The following NIBAN1 variants were observed in gnomAD, a reference collection of about 807,000 sequenced individuals.
NIBAN1 encodes niban apoptosis regulator 1.
In NIBAN1, 81 loss-of-function variants were observed where a neutral mutation model predicts 75.1. The observed-to-expected ratio is 1.08, with a 90% CI of 0.90 to 1.30. The LOEUF is 1.30. Among genes scored for constraint, NIBAN1 ranks in the 50% most tolerant of loss-of-function variants. The pLI is 0.00. For synonymous variants in NIBAN1, 436 were observed against 424.8 expected, an observed-to-expected ratio of 1.03 and a Z score of -0.32; for missense variants, 1,133 against 1,128.1, an observed-to-expected ratio of 1.00 and a Z score of -0.06.
chr1:184,838,361 T>A (rs1655194236), intron 5 of NIBAN1, among the ~76,000 whole-genome samples: 2 of 152,214 alleles, frequency 1.3e-5, no homozygotes, highest in South Asian at 4.1e-4. Context: ...TTGCCTTCTA[T>A]GTTTCTGGCC....
At position 184,800,442 on chromosome 1, in the gene NIBAN1, T is replaced by C. The variant is rs552887966; in HGVS notation, c.1555-2252A>G. On this transcript the variant is annotated intron_variant, in intron 12 of 13. Coordinates refer to ENST00000367511, the MANE Select transcript of NIBAN1 (RefSeq NM_052966.4). Reference sequence around the variant, plus strand: ...GTTTTAGACATGAAGTCCTTGCCCATGCCTATGTCCTGAATGGTAATGCCT... The same window carrying C: ...GTTTTAGACATGAAGTCCTTGCCCACGCCTATGTCCTGAATGGTAATGCCT... Among the ~76,000 whole-genome samples the C allele has an allele frequency of 9.2e-5, 14 of 152,116 alleles. No homozygotes were observed. The East Asian group carries it at 1.5e-3, about 17-fold the overall frequency.
intron 13 of NIBAN1, among the ~76,000 whole-genome samples, chr1:184,796,513 T>C (rs911806369): frequency 1.4e-4 from 22 of 152,226 alleles, no homozygotes; most frequent in Admixed American, 1.4e-3. Flanking sequence ...CTTACACTTA[T>C]CTGCTTTACC....
Position 184,823,125 on chromosome 1 carries a change from C to T in NIBAN1, c.985+42G>A, listed in dbSNP as rs558716791. ...GCTATGTGGTGGATCCCTGCATGTA[C>T]AGCTTATTTAATTAGTAAGAGCATG... On this transcript the variant is annotated intron_variant, in intron 8 of 13. Transcript: ENST00000367511. 4.4e-6 allele frequency: 7 copies of T among 1,600,394 alleles called. No homozygotes were observed. The African/African-American group carries it at 8.0e-5, about 18-fold the overall frequency.
At chr1:184,860,569 TTAAG>T (rs1655791081) in intron 5 of NIBAN1, among the ~76,000 whole-genome samples, 1 of 152,194 alleles carries the variant, frequency 6.6e-6, no homozygotes, top group Non-Finnish European at 1.5e-5. Context: ...TGTATATATA[TTAAG>T]TATTTACTGT....
chr1:184,824,795 G>A (rs528245675), intron 6 of NIBAN1, among the ~76,000 whole-genome samples: 2 of 152,126 alleles, frequency 1.3e-5, no homozygotes, highest in Non-Finnish European at 2.9e-5. Context: ...GGGGGAAGGG[G>A]CATATGTCAC....
At chr1:184,810,266 G>C (rs560238275) in intron 9 of NIBAN1, among the ~76,000 whole-genome samples, 1 of 152,172 alleles carries the variant, frequency 6.6e-6, no homozygotes, top group African/African-American at 2.4e-5. Context: ...CTTTTTCAGT[G>C]ATTCTTAAAC....
intron 1 of NIBAN1, among the ~76,000 whole-genome samples, chr1:184,955,353 T>TTTCCTTTCCTTTCCTTTCCC (rs1658460313): frequency 6.6e-6 from 1 of 150,642 alleles, no homozygotes; most frequent in Non-Finnish European, 1.5e-5. Flanking sequence ...TTTCCTTTCC[T>TTTCCTTTCCTTTCCTTTCCC]TTCCTTTTCT....
chr1:184,956,824 C>T (rs2102071659), intron 1 of NIBAN1, among the ~76,000 whole-genome samples: 1 of 152,292 alleles, frequency 6.6e-6, no homozygotes, highest in East Asian at 1.9e-4. Context: ...TGGGTCCACA[C>T]ACAAGCCCAC....
At chr1:184,958,494 G>A (rs542244261) in intron 1 of NIBAN1, among the ~76,000 whole-genome samples, 4 of 152,172 alleles carry the variant, frequency 2.6e-5, no homozygotes, top group East Asian at 3.9e-4. Flanking sequence ...GCAGCTGAGC[G>A]TTCAAATCCT....
chr1:184,896,874 G>C (rs1299696453), intron 2 of NIBAN1, among the ~76,000 whole-genome samples: 1 of 151,804 alleles, frequency 6.6e-6, no homozygotes, highest in Middle Eastern at 3.2e-3. Flanking sequence ...TTTATTTCTG[G>C]GTTCTCCATT....
chr1:184,910,109 T>C (rs150758934), intron 1 of NIBAN1, among the ~76,000 whole-genome samples: 105 of 152,254 alleles, frequency 6.9e-4, no homozygotes, highest in Non-Finnish European at 1.3e-3. Context: ...TGGAATCTCA[T>C]GACATCAGCT....
chr1:184,940,729 T>A (rs1337490038), intron 1 of NIBAN1, among the ~76,000 whole-genome samples: 1 of 152,202 alleles, frequency 6.6e-6, no homozygotes, highest in Non-Finnish European at 1.5e-5. Flanking sequence ...TTTTTTAACT[T>A]TTTTCATTAG....
rs776922703 is a variant in NIBAN1 at position 184,884,683 on chromosome 1, T to C, written c.551A>G (p.Gln184Arg). ...ACTCAGGAGGGCACTAAACCTCTTCTGGTCAGCAGCCTCGTGGAAGCAGAA... is the reference window on the plus strand; with the variant it reads ...ACTCAGGAGGGCACTAAACCTCTTCCGGTCAGCAGCCTCGTGGAAGCAGAA... ...GYFCFHEAAD[Q>R]KRFSALLSDC... Residue 184 changes from glutamine to arginine, a missense_variant, in exon 5 of 14, where the codon CAG (glutamine) becomes CGG (arginine). Transcript: ENST00000367511. The C allele has an allele frequency of 2.5e-6, 4 of 1,614,056 alleles. No homozygotes were observed. In the African/African-American group the frequency reaches 5.3e-5, roughly 22 times the overall value.
At chr1:184,852,157 T>C (rs1324873813) in intron 5 of NIBAN1, among the ~76,000 whole-genome samples, 1 of 152,152 alleles carries the variant, frequency 6.6e-6, no homozygotes, top group Admixed American at 6.5e-5. Context: ...GGACATTCTT[T>C]TTTCTTCTCC....
At chr1:184,907,879 C>T (rs899211059) in intron 1 of NIBAN1, among the ~76,000 whole-genome samples, 1 of 152,110 alleles carries the variant, frequency 6.6e-6, no homozygotes, top group Admixed American at 6.6e-5. Flanking sequence ...GTAGAAATCC[C>T]ACCTTGAGTT....
At chr1:184,797,628 T>A (rs1488836359) in intron 13 of NIBAN1, among the ~76,000 whole-genome samples, 1 of 151,710 alleles carries the variant, frequency 6.6e-6, no homozygotes, top group Non-Finnish European at 1.5e-5. Flanking sequence ...TAATAAGCCT[T>A]GCTGCTGGAA....
At chr1:184,932,634 G>A (rs867875717) in intron 1 of NIBAN1, among the ~76,000 whole-genome samples, 101 of 152,192 alleles carry the variant, frequency 6.6e-4, no homozygotes, top group African/African-American at 2.2e-3. Context: ...ATGGCCTGGC[G>A]GTTGGGAACT....
chr1:184,822,031 T>G (rs919646335), intron 8 of NIBAN1, among the ~76,000 whole-genome samples: 2 of 152,128 alleles, frequency 1.3e-5, no homozygotes, highest in Non-Finnish European at 2.9e-5. Flanking sequence ...CTAAGCCTCC[T>G]GAGCACAGGA....
intron 6 of NIBAN1, among the ~76,000 whole-genome samples, chr1:184,825,284 T>C (rs1312154186): frequency 6.6e-6 from 1 of 152,214 alleles, no homozygotes; most frequent in Non-Finnish European, 1.5e-5. Context: ...TTTCACTGGG[T>C]TTTATACAGC....
Sources: allele counts gnomAD v4.1 joint callset (sites outside exome capture counted in the v4.1 genomes callset), GRCh38; gene constraint gnomAD v4.1.1; transcripts MANE v1.5; gene names NCBI Gene and HGNC (gene_info 2026-07-23, HGNC 2026-07-21).